The following POLD1 variants were observed in gnomAD, a reference collection of about 807,000 sequenced individuals.
POLD1 encodes DNA polymerase delta 1, catalytic subunit, also known as DNA polymerase delta catalytic subunit.
A neutral mutation model predicts 129.7 loss-of-function variants in POLD1; 79 were observed. The observed-to-expected ratio is 0.61, with a 90% CI of 0.51 to 0.73. The LOEUF (loss-of-function observed/expected upper bound fraction) is 0.73, where lower values mean the gene tolerates loss of function less well. Among genes scored for constraint, POLD1 ranks in the 30% least tolerant of loss-of-function variants. POLD1 has a pLI of 0.00. For missense variants in POLD1, 1,338 were observed against 1,595.8 expected (o/e 0.84, Z 2.75); for synonymous variants, 714 against 683.3 (o/e 1.04, Z -0.70).
intron 1 of POLD1, among the ~76,000 whole-genome samples, chr19:50,386,252 C>T (rs1347070423): frequency 3.9e-5 from 6 of 152,094 alleles, no homozygotes; most frequent in African/African-American, 1.4e-4. Flanking sequence ...ATTCTCATGC[C>T]TCAGGCTTCC....
At chr19:50,408,644 A>G (rs529481520) in intron 14 of POLD1, 141 bp from the exon 15 acceptor site, 12 of 1,286,592 alleles carry the variant, frequency 9.3e-6, no homozygotes, top group African/African-American at 4.4e-5. Flanking sequence ...CAGCCTCCCA[A>G]TGTGCTGGGA....
In POLD1 at chr19:50,409,600, C is replaced by T. The variant is rs1060504359; in HGVS notation, c.2088C>T (p.Ser696=). The change falls in exon 17 of 27, where the codon AGC becomes AGT. Residue 696 remains serine, a synonymous_variant. Coordinates refer to ENST00000440232, the MANE Select transcript of POLD1 (RefSeq NM_002691.4). This position sits in a 1 kb window ranked among gnomAD's most constrained non-coding sequence, Gnocchi z 5.8. The stretch of plus-strand genomic sequence containing the variant: ...GACGGCAGCTGGCGCTGAAGGTGAG[C>T]GCCAACTCCGTATACGGCTTCACTG... ...LDGRQLALKV[S]ANSVYGFTGA... is the part of the protein sequence containing the mutation. The T allele has an allele frequency of 1.2e-6, 2 of 1,613,292 alleles. No homozygotes were observed. The highest frequency in any genetic ancestry group is 1.7e-6 in the Non-Finnish European group (2 of 1,179,986).
chr19:50,400,708 T>C, intron 3 of POLD1, among the ~76,000 whole-genome samples: 1 of 150,034 alleles, frequency 6.7e-6, no homozygotes, highest in East Asian at 2.0e-4. Context: ...ACTTTTTTTT[T>C]TTTTTTGAGA....
intron 1 of POLD1, among the ~76,000 whole-genome samples, chr19:50,391,502 C>T (rs1296899791): frequency 3.3e-5 from 5 of 152,298 alleles, no homozygotes; most frequent in Admixed American, 6.5e-5. Context: ...TGGAGACCAG[C>T]CCGGCCAACA....
intron 3 of POLD1, 33 bp from the exon 4 acceptor site, chr19:50,401,745 G>T: frequency 1.2e-6 from 2 of 1,608,298 alleles, no homozygotes; most frequent in East Asian, 2.2e-5. Context: ...ACCCTGAGAG[G>T]CATGGCCGCT....
intron 17 of POLD1, among the ~76,000 whole-genome samples, chr19:50,411,843 A>G (rs892377520): frequency 3.9e-5 from 6 of 151,910 alleles, no homozygotes; most frequent in African/African-American, 1.5e-4. Flanking sequence ...CCGTCTCAAA[A>G]AAAAAAAAAA....
intron 20 of POLD1, 27 bp downstream of exon 20, chr19:50,415,017 CA>C (rs1568637240): frequency 6.7e-7 from 1 of 1,498,382 alleles, no homozygotes; most frequent in African/African-American, 1.4e-5. Context: ...CCCTCAGACT[CA>C]GGGGGCTGGG....
At chr19:50,398,814 G>C in intron 1 of POLD1, 37 bp from the exon 2 acceptor site, 1 of 1,596,262 alleles carries the variant, frequency 6.3e-7, no homozygotes, top group East Asian at 2.3e-5. Context: ...AGGTGTCTCC[G>C]GTCAGAACCT....
In POLD1 at chr19:50,415,605, G is replaced by A. The variant is rs372493810; in HGVS notation, c.2717+15G>A. The A allele has an allele frequency of 7.2e-5, 116 of 1,607,494 alleles. No individual in the cohort carries two copies. Among genetic ancestry groups the A allele is most frequent in the Admixed American group, 1.0e-4 (6 of 59,746 alleles). ...CTGGCCGAGAGGTCCTGCGCGGGGC[G>A]GGTGGCCTGGCCAGAAATAACCCCC... On this transcript the variant is annotated intron_variant, in intron 21 of 26. Transcript: ENST00000440232.
chr19:50,392,757 G>T (rs1188157216), intron 1 of POLD1, among the ~76,000 whole-genome samples: 1 of 152,104 alleles, frequency 6.6e-6, no homozygotes, highest in Non-Finnish European at 1.5e-5. Flanking sequence ...GATTACAGGC[G>T]TGAGCCACTG....
At chr19:50,417,403 G>C in intron 26 of POLD1, 134 bp downstream of exon 26, 1 of 635,710 alleles carries the variant, frequency 1.6e-6, no homozygotes, top group African/African-American at 1.8e-5. Flanking sequence ...GCTGTGAGCT[G>C]TCCTGAGCCT....
At chr19:50,386,570 G>T (rs796099728) in intron 1 of POLD1, among the ~76,000 whole-genome samples, 37 of 152,334 alleles carry the variant, frequency 2.4e-4, no homozygotes, top group African/African-American at 8.4e-4. Context: ...GTGCAATAAC[G>T]AAAGTGGCAC....
At chr19:50,392,149 C>A (rs2038197927) in intron 1 of POLD1, among the ~76,000 whole-genome samples, 1 of 152,218 alleles carries the variant, frequency 6.6e-6, no homozygotes, top group South Asian at 2.1e-4. Context: ...TGGCTCACTG[C>A]AGCCTTCACC....
intron 1 of POLD1, among the ~76,000 whole-genome samples, chr19:50,393,100 C>T (rs575599845): frequency 1.4e-4 from 21 of 152,320 alleles, no homozygotes; most frequent in Non-Finnish European, 2.6e-4. Context: ...AATATATCTA[C>T]AGTGTACGTC....
In POLD1 at chr19:50,409,512, C is replaced by T. The variant is rs1555791969; in HGVS notation, c.2007-7C>T. The stretch of plus-strand genomic sequence containing the variant: ...CCTGAGTGTGCTTTCCCCGTGTTCC[C>T]TCGCAGGGCCAAGGCCGAGCTGGCC... On this transcript the variant is annotated splice_region_variant and splice_polypyrimidine_tract_variant and intron_variant, in intron 16 of 26. Transcript: ENST00000440232. The surrounding 1 kb of genome is among the most constrained non-coding windows in gnomAD (Gnocchi z 5.8). 1.2e-6 allele frequency: 2 copies of T among 1,613,414 alleles called. No homozygotes were observed. The highest frequency in any genetic ancestry group is 1.7e-6 in the Non-Finnish European group (2 of 1,180,042).
chr19:50,403,633 G>T (rs1170650673), intron 10 of POLD1, 36 bp downstream of exon 10: 1 of 1,392,524 alleles, frequency 7.2e-7, no homozygotes, highest in Non-Finnish European at 1.0e-6. Context: ...TCTCTCAGAT[G>T]CCCCAGGTGT....
At chr19:50,385,357 G>T (rs1344378393) in intron 1 of POLD1, among the ~76,000 whole-genome samples, 2 of 152,088 alleles carry the variant, frequency 1.3e-5, no homozygotes, top group African/African-American at 2.4e-5. Context: ...TGAGCAGCAG[G>T]CTGGATGGGG....
rs370478977 is a variant in POLD1 at position 50,413,525 on chromosome 19, G to C, written c.2250+4G>C. ...TGGCTACAGCACCAGTGCCAAGGTC[G>C]GGGGCTGCCCACCGCTGCCCTGAGA... On this transcript the variant is annotated splice_donor_region_variant and intron_variant, in intron 18 of 26. Coordinates refer to ENST00000440232, the MANE Select transcript of POLD1 (RefSeq NM_002691.4). 1.2e-6 allele frequency: 2 copies of C among 1,602,466 alleles called. No individual in the cohort carries two copies. Among genetic ancestry groups the C allele is most frequent in the South Asian group, 2.2e-5 (2 of 90,012 alleles).
chr19:50,396,905 G>A (rs2038388427), intron 1 of POLD1, among the ~76,000 whole-genome samples: 1 of 150,374 alleles, frequency 6.7e-6, no homozygotes, highest in Admixed American at 6.7e-5. Flanking sequence ...AGACCAGGAT[G>A]GCCAACATGG....
Sources: allele counts gnomAD v4.1 joint callset (sites outside exome capture counted in the v4.1 genomes callset), GRCh38; gene constraint gnomAD v4.1.1; non-coding constraint Gnocchi (gnomAD v3.1); transcripts MANE v1.5; gene names NCBI Gene and HGNC (gene_info 2026-07-23, HGNC 2026-07-21).